The following KMT2D variants were observed in gnomAD, a reference collection of about 807,000 sequenced individuals.
The protein encoded by KMT2D is lysine methyltransferase 2D, also known as histone-lysine N-methyltransferase 2D.
Under a neutral mutation model 512.7 loss-of-function variants are expected in KMT2D, and 55 were observed. That is an observed-to-expected ratio of 0.11 (90% confidence interval 0.09 to 0.13). The LOEUF is 0.13. Ranked by LOEUF, KMT2D falls within the 10% of genes least tolerant of loss-of-function variation. The pLI is 1.00. For missense variants in KMT2D, 6,061 were observed against 7,127.9 expected, an observed-to-expected ratio of 0.85 and a Z score of 5.39; for synonymous variants, 2,995 against 2,904.0, an observed-to-expected ratio of 1.03 and a Z score of -1.01.
In KMT2D at chr12:49,053,198, T is replaced by C. The variant is rs201801082; in HGVS notation, c.954+9A>G. On this transcript the variant is annotated intron_variant, in intron 8 of 54. Coordinates refer to ENST00000301067, the MANE Select transcript of KMT2D (RefSeq NM_003482.4). ...TAGGGACAATAGGGCAGAATCAGGG[T>C]ACACTCACCTTGCACTTCCAAGAGT... 27 of 1,611,880 alleles carry C rather than the reference T, an allele frequency of 1.7e-5. No homozygotes were observed. In the African/African-American group the frequency reaches 2.4e-4, roughly 14 times the overall value.
At chr12:49,028,185 T>A (rs764565387) in intron 46 of KMT2D, 44 bp from the exon 47 acceptor site, 1 of 1,612,648 alleles carries the variant, frequency 6.2e-7, no homozygotes, top group Non-Finnish European at 8.5e-7. Context: ...ATCAGCCAAG[T>A]GTCTGAGGTG....
rs2120366442 is a variant in KMT2D, at chr12:49,027,036, G to A, written c.14930C>T (p.Pro4977Leu). The change falls in exon 49 of 55, where the codon CCT (proline) becomes CTT (leucine). Residue 4977 changes from proline (P) to leucine (L), a missense_variant. Coordinates refer to ENST00000301067, the MANE Select transcript of KMT2D (RefSeq NM_003482.4). ...CACTCCTTTCCATTTCTTGAGGCGAGGAGGACGGGAATCTTCACCTTCTTC... is the reference window on the plus strand; with the variant it reads ...CACTCCTTTCCATTTCTTGAGGCGAAGAGGACGGGAATCTTCACCTTCTTC... ...PPEEGEDSRP[P>L]RLKKWKGVRW... is the part of the protein sequence containing the mutation. 6.2e-7 allele frequency: 1 copy of A among 1,613,990 alleles called. No homozygotes were observed. The highest frequency in any genetic ancestry group is 1.6e-4 in the Middle Eastern group (1 of 6,062).
At chr12:49,048,410 C>T (rs985197656) in intron 14 of KMT2D, among the ~76,000 whole-genome samples, 1 of 152,234 alleles carries the variant, frequency 6.6e-6, no homozygotes, top group East Asian at 1.9e-4. Context: ...GTTCCCTAAG[C>T]TATAAAGTTC....
Position 49,020,494 on chromosome 12 carries a change from G to A in KMT2D, c.*1286C>T, listed in dbSNP as rs1018922415. On this transcript the variant is annotated 3_prime_UTR_variant, in exon 55 of 55. Transcript: ENST00000301067. ...TTGCTCTCCCCGGGGGGTGGGGGGA[G>A]AGGGGAGGGTTCTCACCTCCAGCCG... 4.5e-5 allele frequency: 9 copies of A among 199,686 alleles called. No homozygotes were observed. Among genetic ancestry groups the A allele is most frequent in the Middle Eastern group, 1.7e-3 (1 of 576 alleles). 12.4% of individuals were successfully genotyped at this position (199,686 alleles called of 1,614,324 possible).
In KMT2D at chr12:49,054,777, A is replaced by G; in HGVS notation, c.177-26T>C. Reference sequence around the variant, plus strand: ...CTGTGGACACACAAGCATCAGTACCACGCCAGGCCCCCAGCAACCCCATGA... The same window carrying G: ...CTGTGGACACACAAGCATCAGTACCGCGCCAGGCCCCCAGCAACCCCATGA... On this transcript the variant is annotated intron_variant, in intron 3 of 54. Coordinates refer to ENST00000301067, the MANE Select transcript of KMT2D (RefSeq NM_003482.4). This position sits in a 1 kb window ranked among gnomAD's most constrained non-coding sequence, Gnocchi z 6.4. The G allele has an allele frequency of 1.2e-6, 2 of 1,609,334 alleles. No homozygotes were observed. Among genetic ancestry groups the G allele is most frequent in the South Asian group, 1.1e-5 (1 of 91,010 alleles).
rs1322243072 is a variant in KMT2D, at chr12:49,026,594, C to T, written c.15372G>A (p.Met5124Ile). 1 of 1,614,068 alleles carries T rather than the reference C, an allele frequency of 6.2e-7. No homozygotes were observed. Among genetic ancestry groups the T allele is most frequent in the Non-Finnish European group, 8.5e-7 (1 of 1,179,896 alleles). The change falls in exon 49 of 55, where the codon ATG (methionine) becomes ATA (isoleucine). Residue 5124 changes from methionine (M) to isoleucine (I), a missense_variant. Met to Ile is a conservative substitution (Grantham distance 10, BLOSUM62 1). This residue lies in a region of KMT2D where 261 missense variants were observed against 440.7 expected (regional missense o/e 0.59). Transcript: ENST00000301067. This position sits in a 1 kb window ranked among gnomAD's most constrained non-coding sequence, Gnocchi z 9.6. The stretch of plus-strand genomic sequence containing the variant: ...ACAGCATGGTCTTGTCCTTGAAGAA[C>T]ATGCACTTGGCACGGATGGCACAAG... Reference protein sequence around the residue: ...HFACAIRAKCMFFKDKTMLCP... With the variant: ...HFACAIRAKCIFFKDKTMLCP...
rs1943545585 is a variant in KMT2D, at chr12:49,041,825, G to A, written c.6183+92C>T. ...ATCCCTTCTGGCCCAGCTGCTTTAG[G>A]AGTGGGGAGCGGAAAGAACTGAGGT... is the stretch of plus-strand genomic sequence containing the variant. On this transcript the variant is annotated intron_variant, in intron 30 of 54. Transcript: ENST00000301067. The surrounding 1 kb of genome is among the most constrained non-coding windows in gnomAD (Gnocchi z 5.4). The A allele has an allele frequency of 3.3e-6, 5 of 1,519,680 alleles. No homozygotes were observed. The highest frequency in any genetic ancestry group is 4.5e-6 in the Non-Finnish European group (5 of 1,115,722). 94.1% of individuals were successfully genotyped at this position (1,519,680 alleles called of 1,614,324 possible). A position where few individuals can be genotyped will look rare whatever the true frequency, so the allele number is the denominator to read the frequency against.
chr12:49,057,169 C>A (rs1367225789), intron 1 of KMT2D, among the ~76,000 whole-genome samples: 1 of 152,138 alleles, frequency 6.6e-6, no homozygotes, highest in Non-Finnish European at 1.5e-5. Flanking sequence ...AGCAGCCAGG[C>A]CCCTCTTCCA....
At position 49,031,189 on chromosome 12, in the gene KMT2D, G is replaced by A. The variant is rs748519188; in HGVS notation, c.13516C>T (p.Pro4506Ser). ...AGLEQKLQGT[P>S]SNKEDAAARK... ...AGAGTACTCACCTCCTTGTTGCTGGGGGTACCCTGTAGTTTCTGCTCCAGC... is the reference window on the plus strand; with the variant it reads ...AGAGTACTCACCTCCTTGTTGCTGGAGGTACCCTGTAGTTTCTGCTCCAGC... Residue 4506 changes from proline (P) to serine (S), a missense_variant, in exon 40 of 55, where the codon CCC (proline) becomes TCC (serine). Pro to Ser is a moderately conservative substitution (Grantham distance 74). This residue lies in a region of KMT2D where 1,600 missense variants were observed against 1,754.9 expected (regional missense o/e 0.91). Coordinates refer to ENST00000301067, the MANE Select transcript of KMT2D (RefSeq NM_003482.4). 6 of 1,608,956 alleles carry A rather than the reference G, an allele frequency of 3.7e-6. No homozygotes were observed. Among genetic ancestry groups the A allele is most frequent in the South Asian group, 2.2e-5 (2 of 90,882 alleles).
chr12:49,043,464 C>A (rs2120569042), intron 24 of KMT2D, 36 bp from the exon 25 acceptor site: 1 of 1,604,866 alleles, frequency 6.2e-7, no homozygotes, highest in Non-Finnish European at 8.5e-7. Flanking sequence ...TCAGAGATGT[C>A]CTACATCTGA....
At position 49,021,609 on chromosome 12, in the gene KMT2D, T is replaced by C. The variant is rs1368707182; in HGVS notation, c.*171A>G. 9 of 594,204 alleles carry C rather than the reference T, an allele frequency of 1.5e-5. No individual in the cohort carries two copies. The highest frequency in any genetic ancestry group is 2.4e-5 in the Non-Finnish European group (8 of 335,352). The allele number at this position is 594,204 out of a possible 1,614,324, so 36.8% of individuals were successfully genotyped here. A position where few individuals can be genotyped will look rare whatever the true frequency, so the allele number is the denominator to read the frequency against. ...AGAGGATTGTCCCTGGTGCCCAGGG[T>C]GGGCTTGGCCTAGGGCCCTCTGCCC... On this transcript the variant is annotated 3_prime_UTR_variant, in exon 55 of 55. Coordinates refer to ENST00000301067, the MANE Select transcript of KMT2D (RefSeq NM_003482.4).
chr12:49,022,093 C>G lies in KMT2D; in HGVS notation c.16471G>C (p.Glu5491Gln), dbSNP rs1477916093. ...CVAEVVTFDK[E>Q]DKIIIISSRR... is the part of the protein sequence containing the mutation. ...CTGGAGATGATGATGATTTTGTCCT[C>G]TTTGTCAAATGTCACGACTTCGGCC... Residue 5491 changes from glutamate to glutamine, a missense_variant, in exon 54 of 55, where the codon GAG becomes CAG. Around this residue, in one of 16 missense-constraint regions of KMT2D, gnomAD observed 44 missense variants for 194.7 expected, o/e 0.23. Transcript: ENST00000301067. This position sits in a 1 kb window ranked among gnomAD's most constrained non-coding sequence, Gnocchi z 8.6. The G allele has an allele frequency of 6.2e-7, 1 of 1,614,002 alleles. No individual in the cohort carries two copies. Among genetic ancestry groups the G allele is most frequent in the South Asian group, 1.1e-5 (1 of 91,080 alleles).
Position 49,021,231 on chromosome 12 carries a change from C to A in KMT2D, c.*549G>T, listed in dbSNP as rs558306515. ...CAAGGAAACACAACCCATAGAGAGA[C>A]AGAAACACAGAGGAAAAGAGGGAAA... On this transcript the variant is annotated 3_prime_UTR_variant, in exon 55 of 55. Coordinates refer to ENST00000301067, the MANE Select transcript of KMT2D (RefSeq NM_003482.4). The A allele has an allele frequency of 1.2e-3, 251 of 201,288 alleles. No individual in the cohort carries two copies. The highest frequency in any genetic ancestry group is 5.8e-3 in the African/African-American group (238 of 41,286). The allele number at this position is 201,288 out of a possible 1,614,324, so 12.5% of individuals were successfully genotyped here.
In KMT2D at chr12:49,041,027, C is replaced by T. The variant is rs1228231026; in HGVS notation, c.6743G>A (p.Arg2248His). The change falls in exon 32 of 55, where the codon CGC (arginine) becomes CAC (histidine). Residue 2248 changes from arginine (R) to histidine (H), a missense_variant. Coordinates refer to ENST00000301067, the MANE Select transcript of KMT2D (RefSeq NM_003482.4). The surrounding 1 kb of genome is among the most constrained non-coding windows in gnomAD (Gnocchi z 5.4). ...AGCCAAGTTATCCAGCGAGGGGCAG[C>T]GGGGTTTGAGGAATGGGTCAGGTGT... ...PSTPDPFLKP[R>H]CPSLDNLAVP... 8 of 1,573,108 alleles carry T rather than the reference C, an allele frequency of 5.1e-6. No individual in the cohort carries two copies. The highest frequency in any genetic ancestry group is 1.8e-5 in the Admixed American group (1 of 55,278).
chr12:49,040,393 G>A lies in KMT2D; in HGVS notation c.7377C>T (p.Ser2459=), dbSNP rs1208811629. The A allele has an allele frequency of 6.4e-7, 1 of 1,565,790 alleles. No individual in the cohort carries two copies. The highest frequency in any genetic ancestry group is 2.3e-5 in the East Asian group (1 of 44,430). The part of the protein sequence containing the change: ...PYSRPPSRPQ[S]RDPFAPLHKP... ...TATGCAATGGGGCAAATGGGTCACG[G>A]GACTGAGGGCGTGAGGGTGGGCGAG... Residue 2459 remains serine, a synonymous_variant, in exon 32 of 55, where the codon TCC becomes TCT. Transcript: ENST00000301067.
chr12:49,031,145 T>C (rs1194655746), intron 40 of KMT2D, 30 bp downstream of exon 40: 2 of 1,607,850 alleles, frequency 1.2e-6, no homozygotes, highest in Middle Eastern at 1.7e-4. Flanking sequence ...GGACCCACTC[T>C]ACCTGCTCCA....
At position 49,028,033 on chromosome 12, in the gene KMT2D, T is replaced by G. The variant is rs374825491; in HGVS notation, c.14491A>C (p.Lys4831Gln). 34 of 1,612,994 alleles carry G rather than the reference T, an allele frequency of 2.1e-5. No homozygotes were observed. The highest frequency in any genetic ancestry group is 2.7e-5 in the Non-Finnish European group (32 of 1,179,564). The change falls in exon 47 of 55, where the codon AAG becomes CAG. Residue 4831 changes from lysine to glutamine, a missense_variant. This residue lies in a region of KMT2D where 1,600 missense variants were observed against 1,754.9 expected (regional missense o/e 0.91). Coordinates refer to ENST00000301067, the MANE Select transcript of KMT2D (RefSeq NM_003482.4). ...ESPARAGTEP[K>Q]KGEAEGPGGK... ...CCAGGACCCTCAGCTTCCCCCTTCT[T>G]TGGCTCAGTGCCTGCCCGGGCGGGG...
In KMT2D at chr12:49,027,009, C is replaced by A. The variant is rs777248822; in HGVS notation, c.14957G>T (p.Arg4986Leu). 1 of 1,614,026 alleles carries A rather than the reference C, an allele frequency of 6.2e-7. No individual in the cohort carries two copies. Among genetic ancestry groups the A allele is most frequent in the African/African-American group, 1.3e-5 (1 of 75,050 alleles). ...PPRLKKWKGVRWKRLRLLLTI... is the reference protein window; with the variant it reads ...PPRLKKWKGVLWKRLRLLLTI... Reference sequence around the variant, plus strand: ...CAGCAGCAGCCGAAGCCGCTTCCAGCGCACTCCTTTCCATTTCTTGAGGCG... The same window carrying A: ...CAGCAGCAGCCGAAGCCGCTTCCAGAGCACTCCTTTCCATTTCTTGAGGCG... Residue 4986 changes from arginine to leucine, a missense_variant, in exon 49 of 55, where the codon CGC (arginine) becomes CTC (leucine). By Grantham distance (102) the Arg-to-Leu change is moderately radical. Transcript: ENST00000301067.
In KMT2D at chr12:49,033,124, G is replaced by T; in HGVS notation, c.11581C>A (p.Gln3861Lys). Residue 3861 changes from glutamine to lysine, a missense_variant, in exon 40 of 55, where the codon CAA becomes AAA. Gln to Lys is a moderately conservative substitution (Grantham distance 53, BLOSUM62 1). This residue lies in a region of KMT2D where 1,600 missense variants were observed against 1,754.9 expected (regional missense o/e 0.91). Transcript: ENST00000301067. ...GACCCTTGCTGTTGGTGCTGTTGTT[G>T]CTGCTGCTGCTGCTGGGCTGTGACC... ...RLVTAQQQQQ[Q>K]QQHQQQGSMA... 5 of 1,544,752 alleles carry T rather than the reference G, an allele frequency of 3.2e-6. No homozygotes were observed. Among genetic ancestry groups the T allele is most frequent in the Non-Finnish European group, 4.4e-6 (5 of 1,143,702 alleles).
Sources: gnomAD v4.1 joint callset for allele counts (sites outside exome capture counted in the v4.1 genomes callset) on GRCh38, gnomAD v4.1.1 for gene constraint, gnomAD v4.1.1 regional missense constraint, Gnocchi (gnomAD v3.1) non-coding constraint, MANE v1.5 for transcripts, NCBI Gene and HGNC (gene_info 2026-07-23, HGNC 2026-07-21) for gene names.